Variants in CTNNA3 observed in about 807,000 individuals in gnomAD.
CTNNA3 encodes the protein catenin alpha-3.
CTNNA3 carries 76 observed loss-of-function variants against 95.7 expected under a neutral mutation model. The observed-to-expected ratio is 0.79, with a 90% CI of 0.66 to 0.96. The LOEUF is 0.96. Among genes scored for constraint, CTNNA3 ranks in the 40% least tolerant of loss-of-function variants. The probability of loss-of-function intolerance (pLI) is 0.00; values close to 1 mark genes in which losing one functional copy is unlikely to be tolerated. For synonymous variants in CTNNA3, 431 were observed against 374.4 expected, an observed-to-expected ratio of 1.15 and a Z score of -1.74; for missense variants, 1,191 against 1,089.8, an observed-to-expected ratio of 1.09 and a Z score of -1.31.
At chr10:67,109,960 G>A (rs947785168) in intron 7 of CTNNA3, among the ~76,000 whole-genome samples, 1 of 152,222 alleles carries the variant, frequency 6.6e-6, no homozygotes, top group Admixed American at 6.5e-5. Context: ...TGAGGGAATT[G>A]TGCCTAATAT....
intron 9 of CTNNA3, among the ~76,000 whole-genome samples, chr10:66,646,572 G>A (rs1298431524): frequency 6.6e-6 from 1 of 152,096 alleles, no homozygotes; most frequent in African/African-American, 2.4e-5. Flanking sequence ...AAAGGTGAAA[G>A]AGAGATGAAA....
rs1448257575 is a variant in CTNNA3, at chr10:67,151,064, A to C, written c.1047+29253T>G. On this transcript the variant is annotated intron_variant, in intron 7 of 17. Transcript: ENST00000433211. ...GGCTAATTCCCAAGGCTGTCTTCAC[A>C]CAGATACTTTTTCTTCATTTCCTCC... Among the ~76,000 whole-genome samples, 3 of 152,316 alleles carry C rather than the reference A, an allele frequency of 2.0e-5. No homozygotes were observed. In the East Asian group the frequency reaches 5.8e-4, roughly 29 times the overall value.
chr10:66,420,835 A>AAATAAATTAATTAATT (rs751801209), intron 11 of CTNNA3, among the ~76,000 whole-genome samples: 1,929 of 92,992 alleles, frequency 0.021, 24 homozygotes, highest in African/African-American at 0.049. Flanking sequence ...ATAAATAAAT[A>AAATAAATTAATTAATT]AATAAAAAAC....
chr10:66,415,256 T>C (rs564519042), intron 11 of CTNNA3, among the ~76,000 whole-genome samples: 1 of 151,900 alleles, frequency 6.6e-6, no homozygotes, highest in East Asian at 1.9e-4. Flanking sequence ...GGCCAGGGAA[T>C]CTCCCAGTTT....
chr10:66,486,907 G>A (rs879148501), intron 11 of CTNNA3, among the ~76,000 whole-genome samples: 1 of 151,260 alleles, frequency 6.6e-6, no homozygotes, highest in Non-Finnish European at 1.5e-5. Flanking sequence ...CAACATACAC[G>A]GACCCGAAAT....
intron 7 of CTNNA3, among the ~76,000 whole-genome samples, chr10:67,126,781 C>T (rs1050199890): frequency 1.3e-5 from 2 of 152,072 alleles, no homozygotes; most frequent in African/African-American, 4.8e-5. Flanking sequence ...AAAATGTAAC[C>T]GTTGTACCAA....
chr10:66,265,083 C>T (rs1264292786), intron 13 of CTNNA3, among the ~76,000 whole-genome samples: 1 of 152,016 alleles, frequency 6.6e-6, no homozygotes, highest in Non-Finnish European at 1.5e-5. Flanking sequence ...ACAATCCAAC[C>T]AGTTCTCTCT....
intron 12 of CTNNA3, among the ~76,000 whole-genome samples, chr10:66,335,670 G>A (rs145045569): frequency 0.012 from 1,778 of 152,166 alleles, 24 homozygotes; most frequent in African/African-American, 0.035. Context: ...TAGGCTACTC[G>A]GGGGTCAGGG....
chr10:66,117,105 T>C (rs2082374378), intron 13 of CTNNA3, among the ~76,000 whole-genome samples: 2 of 152,140 alleles, frequency 1.3e-5, no homozygotes, highest in African/African-American at 2.4e-5. Flanking sequence ...ATTTGAGAGT[T>C]GGTGGGAGGA....
intron 13 of CTNNA3, among the ~76,000 whole-genome samples, chr10:66,206,132 C>A (rs1272802590): frequency 6.6e-6 from 1 of 151,796 alleles, no homozygotes; most frequent in Non-Finnish European, 1.5e-5. Context: ...ACTAGGTGTG[C>A]TCTAAATTAT....
chr10:67,241,159 G>A (rs1865705082), intron 5 of CTNNA3, among the ~76,000 whole-genome samples: 2 of 151,826 alleles, frequency 1.3e-5, no homozygotes, highest in Admixed American at 1.3e-4. Flanking sequence ...GATGGCTCAT[G>A]CCTACAATCC....
At chr10:66,211,398 C>T (rs1446879440) in intron 13 of CTNNA3, among the ~76,000 whole-genome samples, 5 of 152,126 alleles carry the variant, frequency 3.3e-5, no homozygotes, top group African/African-American at 1.2e-4. Flanking sequence ...TTAGAGAGAG[C>T]TCTGCTGTGA....
chr10:66,112,150 G>A (rs1183218638), intron 13 of CTNNA3, among the ~76,000 whole-genome samples: 1 of 152,068 alleles, frequency 6.6e-6, no homozygotes, highest in Non-Finnish European at 1.5e-5. Context: ...ATTCAAAATA[G>A]GGTTAATCTC....
chr10:67,147,685 T>C lies in CTNNA3; in HGVS notation c.1047+32632A>G, dbSNP rs185392253. On this transcript the variant is annotated intron_variant, in intron 7 of 17. Coordinates refer to ENST00000433211, the MANE Select transcript of CTNNA3 (RefSeq NM_013266.4). ...CAAAATAGTACATTTTACACTACAA[T>C]TGTATTTGTCTTCTGTTGTTTTGCT... Among the ~76,000 whole-genome samples the C allele has an allele frequency of 2.5e-3, 376 of 152,334 alleles. 2 individuals are homozygous for C. Among genetic ancestry groups the C allele is most frequent in the Non-Finnish European group, 7.1e-4 (48 of 68,016 alleles).
intron 5 of CTNNA3, among the ~76,000 whole-genome samples, chr10:67,359,948 GA>G (rs1842939671): frequency 6.6e-6 from 1 of 152,014 alleles, no homozygotes; most frequent in African/African-American, 2.4e-5. Flanking sequence ...AAGGTAGCTA[GA>G]AAAAAGGGTC....
At chr10:66,958,041 G>T (rs559669028) in intron 7 of CTNNA3, among the ~76,000 whole-genome samples, 1 of 152,016 alleles carries the variant, frequency 6.6e-6, no homozygotes, top group Non-Finnish European at 1.5e-5. Flanking sequence ...GCCAAAAGCA[G>T]TTATTGAACA....
intron 7 of CTNNA3, among the ~76,000 whole-genome samples, chr10:66,914,145 T>TTG (rs1846362538): frequency 6.7e-6 from 1 of 149,836 alleles, no homozygotes; most frequent in Non-Finnish European, 1.5e-5. Context: ...TTTTTTTTTT[T>TTG]TTTGAGACAG....
At chr10:66,092,799 G>A (rs549409481) in intron 14 of CTNNA3, among the ~76,000 whole-genome samples, 1 of 151,940 alleles carries the variant, frequency 6.6e-6, no homozygotes, top group African/African-American at 2.4e-5. Context: ...AATCACAGAA[G>A]TTCTAATTGT....
chr10:67,202,662 C>T (rs1863702183), intron 6 of CTNNA3, among the ~76,000 whole-genome samples: 2 of 152,104 alleles, frequency 1.3e-5, no homozygotes, highest in Non-Finnish European at 2.9e-5. Context: ...ACTCTGAGAA[C>T]ATGTCTAAAA....
Sources: gnomAD v4.1 joint callset for allele counts (sites outside exome capture counted in the v4.1 genomes callset) on GRCh38, gnomAD v4.1.1 for gene constraint, MANE v1.5 for transcripts, NCBI Gene and HGNC (gene_info 2026-07-23, HGNC 2026-07-21) for gene names.